The following ADAMTS18 variants were observed in gnomAD, a reference collection of about 807,000 sequenced individuals.
ADAMTS18 encodes A disintegrin and metalloproteinase with thrombospondin motifs 18.
Under a neutral mutation model 165.9 loss-of-function variants are expected in ADAMTS18, and 157 were observed. That is an observed-to-expected ratio of 0.95 (90% confidence interval 0.83 to 1.08). The LOEUF (loss-of-function observed/expected upper bound fraction) is 1.08. Ranked by LOEUF, ADAMTS18 falls within the 50% of genes least tolerant of loss-of-function variation. The probability of loss-of-function intolerance (pLI) is 0.00; values close to 1 mark genes in which losing one functional copy is unlikely to be tolerated. For missense variants in ADAMTS18, 2,040 were observed against 1,534.0 expected, an observed-to-expected ratio of 1.33 and a Z score of -5.51; for synonymous variants, 782 against 578.2, an observed-to-expected ratio of 1.35 and a Z score of -5.06.
At chr16:77,300,808 T>C (rs1319008748) in intron 16 of ADAMTS18, among the ~76,000 whole-genome samples, 4 of 152,164 alleles carry the variant, frequency 2.6e-5, no homozygotes, top group Non-Finnish European at 5.9e-5. Flanking sequence ...CTACAGAAAA[T>C]AGTTAAAACT....
chr16:77,299,250 T>C (rs1191760716), intron 17 of ADAMTS18, among the ~76,000 whole-genome samples: 3 of 152,208 alleles, frequency 2.0e-5, no homozygotes, highest in South Asian at 2.1e-4. Flanking sequence ...ACAAATGATA[T>C]AGATCAAAAT....
intron 16 of ADAMTS18, among the ~76,000 whole-genome samples, chr16:77,305,610 G>C (rs566171228): frequency 2.6e-5 from 4 of 152,174 alleles, no homozygotes; most frequent in African/African-American, 7.2e-5. Flanking sequence ...TCAGTTTTAA[G>C]ACACAATTAA....
rs140196796 is a variant in ADAMTS18 at position 77,377,825 on chromosome 16, C to T, written c.496-10102G>A. Reference sequence around the variant, plus strand: ...AGTAAGTCATTGATTTGTTGCCCAACATGTACAAGAATAGCCCCAAATGAG... The same window carrying T: ...AGTAAGTCATTGATTTGTTGCCCAATATGTACAAGAATAGCCCCAAATGAG... On this transcript the variant is annotated intron_variant, in intron 3 of 22. Coordinates refer to ENST00000282849, the MANE Select transcript of ADAMTS18 (RefSeq NM_199355.4). 4.8e-3 allele frequency among the ~76,000 whole-genome samples: 736 copies of T among 152,176 alleles called. 3 individuals carry two copies. Among genetic ancestry groups the T allele is most frequent in the East Asian group, 0.014 (70 of 5,182 alleles).
intron 18 of ADAMTS18, among the ~76,000 whole-genome samples, chr16:77,295,399 T>A (rs1014142289): frequency 6.6e-6 from 1 of 152,150 alleles, no homozygotes; most frequent in African/African-American, 2.4e-5. Context: ...TCTGCACAAT[T>A]CATTGAGCCA....
At position 77,326,626 on chromosome 16, in the gene ADAMTS18, A is replaced by AC. The variant is rs542614794; in HGVS notation, c.1860-589dup. On this transcript the variant is annotated intron_variant, in intron 12 of 22. Coordinates refer to ENST00000282849, the MANE Select transcript of ADAMTS18 (RefSeq NM_199355.4). ...TCAAACTCCTCGGTTCAAGTGATCC[A>AC]CCCCCATCAGGCTCCCAAAGTGTGG... 4.7e-4 allele frequency among the ~76,000 whole-genome samples: 71 copies of AC among 152,200 alleles called. 1 individual carries two copies. Among genetic ancestry groups the AC allele is most frequent in the African/African-American group, 1.7e-3 (69 of 41,528 alleles).
chr16:77,397,883 T>A (rs1235151987), intron 3 of ADAMTS18, among the ~76,000 whole-genome samples: 1 of 152,222 alleles, frequency 6.6e-6, no homozygotes, highest in Non-Finnish European at 1.5e-5. Flanking sequence ...TGTCCCTGTC[T>A]GCCACAGGGT....
intron 3 of ADAMTS18, among the ~76,000 whole-genome samples, chr16:77,387,117 G>C (rs575521874): frequency 6.6e-5 from 10 of 152,132 alleles, no homozygotes. Flanking sequence ...ATGCACATGC[G>C]GTTAACTCGC....
At chr16:77,367,392 C>G (rs2056810523) in intron 4 of ADAMTS18, 49 bp downstream of exon 4, 1 of 1,611,600 alleles carries the variant, frequency 6.2e-7, no homozygotes, top group Non-Finnish European at 8.5e-7. Context: ...TCAGGAAAAC[C>G]TGTCGAGGCC....
chr16:77,379,742 C>A (rs149761267), intron 3 of ADAMTS18, among the ~76,000 whole-genome samples: 1 of 152,116 alleles, frequency 6.6e-6, no homozygotes, highest in Non-Finnish European at 1.5e-5. Context: ...CCACCCACCT[C>A]GGCCTCTCAA....
At chr16:77,355,912 G>C in intron 9 of ADAMTS18, 28 bp downstream of exon 9, 3 of 1,613,690 alleles carry the variant, frequency 1.9e-6, no homozygotes, top group Non-Finnish European at 2.5e-6. Flanking sequence ...CCAAACCTAG[G>C]AGCACCCCAG....
At chr16:77,340,719 T>A (rs2056385464) in intron 11 of ADAMTS18, among the ~76,000 whole-genome samples, 2 of 152,104 alleles carry the variant, frequency 1.3e-5, no homozygotes, top group African/African-American at 4.8e-5. Flanking sequence ...GTGCTGGGAC[T>A]ACAGGCACGC....
chr16:77,421,329 C>T (rs928054556), intron 3 of ADAMTS18, among the ~76,000 whole-genome samples: 9 of 152,292 alleles, frequency 5.9e-5, no homozygotes, highest in South Asian at 2.1e-4. Flanking sequence ...ACCGTGGGAA[C>T]GGGCTTTCAT....
intron 3 of ADAMTS18, among the ~76,000 whole-genome samples, chr16:77,416,012 A>G (rs910842056): frequency 6.6e-6 from 1 of 152,192 alleles, no homozygotes; most frequent in Non-Finnish European, 1.5e-5. Flanking sequence ...GCTGATATTC[A>G]AGGTGGAAGG....
At chr16:77,418,510 C>T (rs10781988) in intron 3 of ADAMTS18, among the ~76,000 whole-genome samples, 89,046 of 151,936 alleles carry the variant, frequency 0.59, 27,175 homozygotes, top group Middle Eastern at 0.73. Flanking sequence ...CAGACATGCC[C>T]TGCACAAGAA....
intron 3 of ADAMTS18, among the ~76,000 whole-genome samples, chr16:77,372,471 G>C (rs1392833369): frequency 6.6e-6 from 1 of 152,208 alleles, no homozygotes; most frequent in Non-Finnish European, 1.5e-5. Context: ...ACACAGGATA[G>C]TCATCTCAGG....
At chr16:77,413,167 T>C (rs2057487111) in intron 3 of ADAMTS18, among the ~76,000 whole-genome samples, 1 of 152,158 alleles carries the variant, frequency 6.6e-6, no homozygotes, top group Admixed American at 6.5e-5. Flanking sequence ...CCCACTGCTA[T>C]TTCCCTAAAC....
At chr16:77,363,424 C>G (rs2562118) in intron 6 of ADAMTS18, among the ~76,000 whole-genome samples, 81,396 of 151,822 alleles carry the variant, frequency 0.54, 22,328 homozygotes, top group Non-Finnish European at 0.59. Flanking sequence ...ATCAAACTTG[C>G]AAAATCTAGC....
chr16:77,387,382 A>C (rs1431588501), intron 3 of ADAMTS18, among the ~76,000 whole-genome samples: 1 of 152,166 alleles, frequency 6.6e-6, no homozygotes, highest in African/African-American at 2.4e-5. Context: ...CTGTCACGGG[A>C]TAAATTATAT....
chr16:77,365,277 T>C (rs1422002622), intron 4 of ADAMTS18, among the ~76,000 whole-genome samples: 3 of 152,238 alleles, frequency 2.0e-5, no homozygotes, highest in East Asian at 1.9e-4. Flanking sequence ...CTCATTTTAC[T>C]ACTCAAAAAC....
Sources: gnomAD v4.1 joint callset for allele counts (sites outside exome capture counted in the v4.1 genomes callset) on GRCh38, gnomAD v4.1.1 for gene constraint, MANE v1.5 for transcripts, NCBI Gene and HGNC (gene_info 2026-07-23, HGNC 2026-07-21) for gene names.